ACACA: variants seen among roughly 807,000 people sequenced by gnomAD.
The protein encoded by ACACA is acetyl-CoA carboxylase 1.
ACACA carries 103 observed loss-of-function variants against 296.1 expected under a neutral mutation model. The ratio of observed to expected loss-of-function variants is 0.35; its 90% CI spans 0.30 to 0.41. The LOEUF (loss-of-function observed/expected upper bound fraction) is 0.41, where lower values mean the gene tolerates loss of function less well. Ranked by LOEUF, ACACA falls within the 10% of genes least tolerant of loss-of-function variation. The probability of loss-of-function intolerance (pLI) is 1.00; values close to 1 mark genes in which losing one functional copy is unlikely to be tolerated. For missense variants in ACACA, 1,554 were observed against 2,989.7 expected, an observed-to-expected ratio of 0.52 and a Z score of 11.20; for synonymous variants, 953 against 1,038.6, an observed-to-expected ratio of 0.92 and a Z score of 1.58.
intron 1 of ACACA, among the ~76,000 whole-genome samples, chr17:37,405,277 T>C (rs933758110): frequency 2.0e-5 from 3 of 152,216 alleles, no homozygotes; most frequent in African/African-American, 7.2e-5. Flanking sequence ...TACTGGGCAT[T>C]ATCTATCATT....
chr17:37,192,700 C>T (rs951872667), intron 36 of ACACA, among the ~76,000 whole-genome samples: 1 of 151,998 alleles, frequency 6.6e-6, no homozygotes, highest in Non-Finnish European at 1.5e-5. Context: ...TTTGAGCTTA[C>T]CCAACTAATC....
At chr17:37,278,938 G>A (rs1018740500) in intron 5 of ACACA, among the ~76,000 whole-genome samples, 17 of 152,036 alleles carry the variant, frequency 1.1e-4, no homozygotes, top group Admixed American at 6.6e-5. Context: ...ATAGGTAAAC[G>A]TGTGCCATGG....
chr17:37,379,362 G>C (rs750590762), intron 1 of ACACA: 10 of 1,613,808 alleles, frequency 6.2e-6, no homozygotes, highest in Non-Finnish European at 8.5e-6. Flanking sequence ...TTTCAGACTG[G>C]ATCTCTTCTA....
intron 1 of ACACA, among the ~76,000 whole-genome samples, chr17:37,357,245 C>A (rs761167321): frequency 2.0e-5 from 3 of 152,152 alleles, no homozygotes; most frequent in East Asian, 1.9e-4. Context: ...ATAATCCCAG[C>A]ACTTTGGGAG....
intron 25 of ACACA, among the ~76,000 whole-genome samples, chr17:37,233,955 G>A (rs2079985608): frequency 6.6e-6 from 1 of 152,102 alleles, no homozygotes; most frequent in African/African-American, 2.4e-5. Context: ...AATGTGATAC[G>A]CTTTAGAGTT....
intron 1 of ACACA, chr17:37,379,121 GTTC>G: frequency 6.2e-7 from 1 of 1,607,368 alleles, no homozygotes; most frequent in Non-Finnish European, 8.5e-7. Flanking sequence ...TTTCTATCTG[GTTC>G]TTCTCCTTCC....
intron 33 of ACACA, among the ~76,000 whole-genome samples, chr17:37,204,798 G>C (rs370766117): frequency 6.6e-6 from 1 of 152,222 alleles, no homozygotes; most frequent in Non-Finnish European, 1.5e-5. Context: ...CTACATGTTA[G>C]TCTCTCAATA....
At chr17:37,185,255 C>T (rs1413892112) in intron 39 of ACACA, among the ~76,000 whole-genome samples, 1 of 152,132 alleles carries the variant, frequency 6.6e-6, no homozygotes, top group Non-Finnish European at 1.5e-5. Context: ...TTTTTAGAGG[C>T]AGTGTCTCAC....
intron 54 of ACACA, among the ~76,000 whole-genome samples, chr17:37,094,385 T>C: frequency 6.6e-6 from 1 of 152,150 alleles, no homozygotes; most frequent in East Asian, 1.9e-4. Context: ...GAAAACAAAT[T>C]CTCTGGGAAC....
In ACACA at chr17:37,375,854, G is replaced by C. The variant is rs144981748; in HGVS notation, c.38+30408C>G. 6.0e-5 allele frequency: 28 copies of C among 463,062 alleles called. No homozygotes were observed. In the East Asian group the frequency reaches 9.2e-4, roughly 15 times the overall value. 28.7% of individuals were successfully genotyped at this position (463,062 alleles called of 1,614,324 possible). ...TAATCTAGTTCTCTATGTCGGCACCGGCAGCGAAGTCAGAAGAAGTCTGAG... is the reference window on the plus strand; with the variant it reads ...TAATCTAGTTCTCTATGTCGGCACCCGCAGCGAAGTCAGAAGAAGTCTGAG... On this transcript the variant is annotated intron_variant, in intron 1 of 55. Transcript: ENST00000616317.
At chr17:37,313,559 A>G (rs1475144176) in intron 3 of ACACA, among the ~76,000 whole-genome samples, 1 of 152,234 alleles carries the variant, frequency 6.6e-6, no homozygotes, top group East Asian at 1.9e-4. Flanking sequence ...ATTAGCAAAC[A>G]GCTATATGAA....
intron 50 of ACACA, among the ~76,000 whole-genome samples, chr17:37,118,108 TC>T (rs1471630254): frequency 2.6e-5 from 4 of 152,124 alleles, no homozygotes; most frequent in Non-Finnish European, 4.4e-5. Context: ...GCACTGTTCC[TC>T]CCCCTCCTAC....
At chr17:37,367,125 G>A (rs2049636524) in intron 1 of ACACA, 1 of 150,992 alleles carries the variant, frequency 6.6e-6, no homozygotes, top group African/African-American at 2.4e-5. Flanking sequence ...CTCACCTCTG[G>A]TTAACTCCTA....
chr17:37,288,354 A>G (rs1276290247), intron 3 of ACACA, among the ~76,000 whole-genome samples: 1 of 152,164 alleles, frequency 6.6e-6, no homozygotes. Flanking sequence ...ACTGAGCAAT[A>G]ACATGAATGA....
chr17:37,246,812 T>C lies in ACACA; in HGVS notation c.2460+14A>G. On this transcript the variant is annotated intron_variant, in intron 19 of 55. Transcript: ENST00000616317. ...TCCCCTCCCATGATCCCACAGTCCT[T>C]TCACCACCCTGACCTCAATCTCAGC... is the stretch of plus-strand genomic sequence containing the variant. 1 of 1,613,406 alleles carries C rather than the reference T, an allele frequency of 6.2e-7. No homozygotes were observed. Among genetic ancestry groups the C allele is most frequent in the East Asian group, 2.2e-5 (1 of 44,876 alleles).
rs552095233 is a variant in ACACA at position 37,167,291 on chromosome 17, A to G, written c.5080-5241T>C. On this transcript the variant is annotated intron_variant, in intron 41 of 55. Coordinates refer to ENST00000616317, the MANE Select transcript of ACACA (RefSeq NM_198834.3). ...TTTTCTTTTTTTTTTTTTTTTTTTGAGACAGAGTCTCAGGCCATTGCCCAG... is the reference window on the plus strand; with the variant it reads ...TTTTCTTTTTTTTTTTTTTTTTTTGGGACAGAGTCTCAGGCCATTGCCCAG... Among the ~76,000 whole-genome samples, 378 of 94,940 alleles carry G rather than the reference A, an allele frequency of 4.0e-3. 1 individual carries two copies. In the South Asian group the frequency reaches 0.041, roughly 10 times the overall value. 62.3% of individuals were successfully genotyped at this position (94,940 alleles called of 152,430 possible).
chr17:37,174,013 TATATATA>T (rs1384619020), intron 41 of ACACA, among the ~76,000 whole-genome samples: 32 of 19,190 alleles, frequency 1.7e-3, no homozygotes, highest in African/African-American at 3.5e-3. Flanking sequence ...TATATATATA[TATATATA>T]TTTTTTTTTT....
At position 37,207,660 on chromosome 17, in the gene ACACA, A is replaced by G. The variant is rs1363222844; in HGVS notation, c.3848T>C (p.Val1283Ala). 5.0e-6 allele frequency: 8 copies of G among 1,613,952 alleles called. No individual in the cohort carries two copies. The highest frequency in any genetic ancestry group is 6.8e-6 in the Non-Finnish European group (8 of 1,179,876). ...MVSFRTFEDF[V>A]RIFDEVMGCF... is the part of the protein sequence containing the mutation. Reference sequence around the variant, plus strand: ...ACATAGTTCCACAATGTCTTACCTGACAAAATCTTCAAAAGTCCGAAAAGA... The same window carrying G: ...ACATAGTTCCACAATGTCTTACCTGGCAAAATCTTCAAAAGTCCGAAAAGA... Residue 1283 changes from valine to alanine, a missense_variant, in exon 31 of 56, where the codon GTC (valine) becomes GCC (alanine). Val to Ala is a moderately conservative substitution (Grantham distance 64). Coordinates refer to ENST00000616317, the MANE Select transcript of ACACA (RefSeq NM_198834.3).
intron 1 of ACACA, chr17:37,345,148 G>A (rs2048559632): frequency 6.6e-6 from 1 of 152,476 alleles, no homozygotes; most frequent in Admixed American, 6.6e-5. Flanking sequence ...CTGCCTCCCA[G>A]GTTCAAGAGA....
Sources: allele counts gnomAD v4.1 joint callset (sites outside exome capture counted in the v4.1 genomes callset), GRCh38; gene constraint gnomAD v4.1.1; transcripts MANE v1.5; gene names NCBI Gene and HGNC (gene_info 2026-07-23, HGNC 2026-07-21).